The following RASAL2 variants were observed in gnomAD, a reference collection of about 807,000 sequenced individuals.
RASAL2 encodes ras GTPase-activating protein nGAP.
In RASAL2, 58 loss-of-function variants were observed where a neutral mutation model predicts 128.9. That is an observed-to-expected ratio of 0.45 (90% confidence interval 0.36 to 0.56). The LOEUF is 0.56. Ranked by LOEUF, RASAL2 falls within the 20% of genes least tolerant of loss-of-function variation. The probability of loss-of-function intolerance (pLI) is 0.00; values close to 1 mark genes in which losing one functional copy is unlikely to be tolerated. For synonymous variants in RASAL2, 561 were observed against 580.8 expected (o/e 0.97, Z 0.49); for missense variants, 1,360 against 1,601.6 (o/e 0.85, Z 2.57).
chr1:178,457,939 C>T lies in RASAL2; in HGVS notation c.2647C>T (p.Gln883Ter). ...GACCGGAAGCCAGCTTTCCATAACC[C>T]AGGTGGCCAGCATCAAACAGCTGCG... Reference protein sequence around the residue: ...RLTGSQLSITQVASIKQLRET... With the variant: ...RLTGSQLSIT Residue 883 changes from glutamine (Q) to a stop codon, truncating the protein, a stop_gained, in exon 14 of 18, where the codon CAG (glutamine) becomes TAG (stop). Transcript: ENST00000367649. LOFTEE classifies it high-confidence loss of function. The T allele has an allele frequency of 6.2e-7, 1 of 1,614,158 alleles. No individual in the cohort carries two copies. The highest frequency in any genetic ancestry group is 1.6e-4 in the Middle Eastern group (1 of 6,062).
intron 3 of RASAL2, among the ~76,000 whole-genome samples, chr1:178,303,818 G>A (rs1229518456): frequency 6.6e-6 from 1 of 152,052 alleles, no homozygotes; most frequent in African/African-American, 2.4e-5. Flanking sequence ...TTTTAACGAA[G>A]AGTTCACTGA....
intron 3 of RASAL2, among the ~76,000 whole-genome samples, chr1:178,308,926 G>T (rs764996346): frequency 6.6e-6 from 1 of 151,970 alleles, no homozygotes; most frequent in Admixed American, 6.6e-5. Context: ...ATCTTCTGTA[G>T]AACTACTGGA....
At chr1:178,221,784 G>T (rs991377076) in intron 1 of RASAL2, among the ~76,000 whole-genome samples, 1 of 152,122 alleles carries the variant, frequency 6.6e-6, no homozygotes, top group Non-Finnish European at 1.5e-5. Context: ...TGAATTGCCG[G>T]TGCTGTTGAG....
chr1:178,188,512 G>C (rs1408953855), intron 1 of RASAL2, among the ~76,000 whole-genome samples: 1 of 152,012 alleles, frequency 6.6e-6, no homozygotes, highest in Non-Finnish European at 1.5e-5. Context: ...GTTCAGTATC[G>C]GTCACTTGGT....
intron 2 of RASAL2, among the ~76,000 whole-genome samples, chr1:178,293,334 A>G (rs962622511): frequency 3.3e-5 from 5 of 152,230 alleles, no homozygotes; most frequent in Admixed American, 2.0e-4. Flanking sequence ...GGCAATGGGG[A>G]ATTACCAAAG....
At chr1:178,112,669 G>GCATA (rs1659372346) in intron 1 of RASAL2, among the ~76,000 whole-genome samples, 1 of 148,808 alleles carries the variant, frequency 6.7e-6, no homozygotes, top group African/African-American at 2.5e-5. Context: ...ACCAAACACT[G>GCATA]CATATTCTCA....
At chr1:178,374,359 A>G (rs1009654302) in intron 3 of RASAL2, among the ~76,000 whole-genome samples, 2 of 152,146 alleles carry the variant, frequency 1.3e-5, no homozygotes, top group African/African-American at 4.8e-5. Context: ...ATCTAGGATG[A>G]GTAGAACCAA....
intron 1 of RASAL2, among the ~76,000 whole-genome samples, chr1:178,180,661 T>TCACACACACACACACACA (rs1455344116): frequency 5.9e-4 from 4 of 6,756 alleles, no homozygotes; most frequent in South Asian, 6.0e-3. Flanking sequence ...AGCGAGACTG[T>TCACACACACACACACACA]CTCACACACA....
intron 1 of RASAL2, among the ~76,000 whole-genome samples, chr1:178,243,351 T>C (rs529529023): frequency 1.6e-4 from 25 of 152,176 alleles, no homozygotes; most frequent in African/African-American, 3.1e-4. Flanking sequence ...CTCTGGCCCA[T>C]TGGGGAAAAT....
intron 1 of RASAL2, among the ~76,000 whole-genome samples, chr1:178,251,168 A>G (rs1281241402): frequency 6.6e-6 from 1 of 152,192 alleles, no homozygotes; most frequent in Admixed American, 6.5e-5. Context: ...GTCTAAATCT[A>G]GCCATCTAAA....
chr1:178,292,691 C>CT (rs1667334174), intron 2 of RASAL2, among the ~76,000 whole-genome samples: 1 of 152,066 alleles, frequency 6.6e-6, no homozygotes, highest in African/African-American at 2.4e-5. Flanking sequence ...AGAGATGAGA[C>CT]CAAGTAAATT....
chr1:178,309,833 C>A (rs546703501), intron 3 of RASAL2, among the ~76,000 whole-genome samples: 2 of 152,204 alleles, frequency 1.3e-5, no homozygotes, highest in Non-Finnish European at 2.9e-5. Flanking sequence ...TAGAGGGCAT[C>A]AGACTAATTT....
rs556620435 is a variant in RASAL2, at chr1:178,107,605, C to G, written c.202+12911C>G. Among the ~76,000 whole-genome samples, 28 of 152,186 alleles carry G rather than the reference C, an allele frequency of 1.8e-4. No homozygotes were observed. The South Asian group carries it at 5.8e-3, about 32-fold the overall frequency. ...AATGTTTTCATCATCTTCAAACTTC[C>G]CATTAAACAATGACTCTCCCTTTCC... On this transcript the variant is annotated intron_variant, in intron 1 of 17. Transcript: ENST00000367649.
chr1:178,419,059 G>A (rs188808800), intron 4 of RASAL2, among the ~76,000 whole-genome samples: 16 of 152,230 alleles, frequency 1.1e-4, no homozygotes, highest in Admixed American at 9.8e-4. Context: ...GATAAATATA[G>A]CCTTCACCCC....
At chr1:178,465,836 GAA>G (rs1173260507) in intron 15 of RASAL2, 82 bp from the exon 16 acceptor site, 5 of 1,083,670 alleles carry the variant, frequency 4.6e-6, no homozygotes, top group Non-Finnish European at 6.3e-6. Context: ...AAAAAAGAAA[GAA>G]AGAGAAAGAA....
In RASAL2 at chr1:178,240,800, A is replaced by G. The variant is rs182407523; in HGVS notation, c.203-42764A>G. ...AACAAAATTGTGTGACTGCAAATCA[A>G]TATCCTTCACTTCACATTTTACTTT... On this transcript the variant is annotated intron_variant, in intron 1 of 17. Transcript: ENST00000367649. Among the ~76,000 whole-genome samples, 336 of 151,872 alleles carry G rather than the reference A, an allele frequency of 2.2e-3. 1 individual carries two copies. The highest frequency in any genetic ancestry group is 3.7e-3 in the Non-Finnish European group (251 of 67,820).
At chr1:178,103,308 C>A (rs551305270) in intron 1 of RASAL2, among the ~76,000 whole-genome samples, 172 of 152,074 alleles carry the variant, frequency 1.1e-3, no homozygotes, top group African/African-American at 3.4e-3. Context: ...AATTATTCCC[C>A]AAGTTTTGCT....
At chr1:178,412,949 T>G (rs944196154) in intron 4 of RASAL2, among the ~76,000 whole-genome samples, 24 of 152,054 alleles carry the variant, frequency 1.6e-4, no homozygotes, top group African/African-American at 2.4e-5. Context: ...ATCAGAGCTT[T>G]CTTTCTCTTT....
chr1:178,469,631 T>C (rs1445374161), intron 17 of RASAL2, among the ~76,000 whole-genome samples: 1 of 152,196 alleles, frequency 6.6e-6, no homozygotes, highest in Non-Finnish European at 1.5e-5. Flanking sequence ...TCTGCTAAGC[T>C]AGTTAATGTT....
Sources: allele counts gnomAD v4.1 joint callset (sites outside exome capture counted in the v4.1 genomes callset), GRCh38; gene constraint gnomAD v4.1.1; transcripts MANE v1.5; gene names NCBI Gene and HGNC (gene_info 2026-07-23, HGNC 2026-07-21).